The following ATF6 variants were observed in gnomAD, a reference collection of about 807,000 sequenced individuals.
The protein encoded by ATF6 is activating transcription factor 6, also known as cyclic AMP-dependent transcription factor ATF-6 alpha.
A neutral mutation model predicts 83.6 loss-of-function variants in ATF6; 53 were observed. The ratio of observed to expected loss-of-function variants is 0.63; its 90% CI spans 0.51 to 0.80. ATF6 has a LOEUF of 0.80. Among genes scored for constraint, ATF6 ranks in the 30% least tolerant of loss-of-function variants. The probability of loss-of-function intolerance (pLI) is 0.00; values close to 1 mark genes in which losing one functional copy is unlikely to be tolerated. For synonymous variants in ATF6, 288 were observed against 285.8 expected (o/e 1.01, Z -0.08); for missense variants, 744 against 797.9 (o/e 0.93, Z 0.81).
At chr1:161,899,654 T>G (rs1687742389) in intron 14 of ATF6, among the ~76,000 whole-genome samples, 1 of 152,190 alleles carries the variant, frequency 6.6e-6, no homozygotes, top group Non-Finnish European at 1.5e-5. Flanking sequence ...TCATACATTT[T>G]AAACAGTTTA....
chr1:161,941,509 G>A (rs1688641130), intron 15 of ATF6, among the ~76,000 whole-genome samples: 1 of 152,142 alleles, frequency 6.6e-6, no homozygotes, highest in African/African-American at 2.4e-5. Context: ...AGAAAGGTAG[G>A]TTCTCTTTAA....
intron 14 of ATF6, among the ~76,000 whole-genome samples, chr1:161,878,516 T>C (rs561436680): frequency 2.0e-4 from 31 of 152,104 alleles, no homozygotes; most frequent in African/African-American, 7.2e-4. Context: ...AGATTTTGAA[T>C]TGGAGAAGGA....
chr1:161,803,096 A>G (rs181942075), intron 7 of ATF6, among the ~76,000 whole-genome samples: 2 of 152,322 alleles, frequency 1.3e-5, no homozygotes, highest in African/African-American at 4.8e-5. Context: ...TAATATTACT[A>G]CTTCATCCTT....
intron 15 of ATF6, among the ~76,000 whole-genome samples, chr1:161,934,878 C>T (rs1688507188): frequency 6.6e-6 from 1 of 152,102 alleles, no homozygotes; most frequent in African/African-American, 2.4e-5. Flanking sequence ...GGGTATCATC[C>T]ATTGTGATAA....
At chr1:161,842,771 A>G (rs1322749532) in intron 9 of ATF6, among the ~76,000 whole-genome samples, 1 of 152,220 alleles carries the variant, frequency 6.6e-6, no homozygotes, top group Non-Finnish European at 1.5e-5. Flanking sequence ...TTAAAAAAAG[A>G]TAATTATTAA....
At chr1:161,810,534 C>T (rs985394796) in intron 7 of ATF6, among the ~76,000 whole-genome samples, 1 of 152,050 alleles carries the variant, frequency 6.6e-6, no homozygotes, top group Non-Finnish European at 1.5e-5. Context: ...TACCCCACCT[C>T]ACCTCATCCC....
At chr1:161,812,642 T>C (rs568896681) in intron 7 of ATF6, among the ~76,000 whole-genome samples, 2 of 152,212 alleles carry the variant, frequency 1.3e-5, no homozygotes, top group African/African-American at 4.8e-5. Flanking sequence ...TCCACCCGCC[T>C]CGGCCTCCCA....
chr1:161,810,995 TAATC>T (rs1179976438), intron 7 of ATF6, among the ~76,000 whole-genome samples: 1 of 152,228 alleles, frequency 6.6e-6, no homozygotes, highest in African/African-American at 2.4e-5. Context: ...ACATTTTTGA[TAATC>T]CATTCATCAG....
At chr1:161,822,650 A>G (rs1685795067) in intron 9 of ATF6, among the ~76,000 whole-genome samples, 1 of 152,222 alleles carries the variant, frequency 6.6e-6, no homozygotes. Context: ...TAGGTGACAT[A>G]TACTAATCAA....
At chr1:161,947,352 G>A (rs1202082632) in intron 15 of ATF6, among the ~76,000 whole-genome samples, 1 of 152,222 alleles carries the variant, frequency 6.6e-6, no homozygotes, top group Non-Finnish European at 1.5e-5. Context: ...AGGCAGGCCA[G>A]GGTGATTAGA....
chr1:161,921,242 G>C (rs1688207526), intron 15 of ATF6, among the ~76,000 whole-genome samples: 1 of 152,154 alleles, frequency 6.6e-6, no homozygotes, highest in South Asian at 2.1e-4. Context: ...GTTGAAAAGA[G>C]AAATAAATAT....
chr1:161,845,068 A>G (rs976790666), intron 9 of ATF6, among the ~76,000 whole-genome samples: 1 of 152,242 alleles, frequency 6.6e-6, no homozygotes, highest in Non-Finnish European at 1.5e-5. Context: ...GTGCTAAAGC[A>G]TACCATGTGA....
At chr1:161,907,115 A>G (rs112758136) in intron 14 of ATF6, among the ~76,000 whole-genome samples, 1 of 152,204 alleles carries the variant, frequency 6.6e-6, no homozygotes, top group Non-Finnish European at 1.5e-5. Context: ...AGGAATTACT[A>G]TAACTACTAG....
intron 14 of ATF6, among the ~76,000 whole-genome samples, chr1:161,877,611 G>C (rs1248335572): frequency 6.6e-6 from 1 of 152,112 alleles, no homozygotes; most frequent in Non-Finnish European, 1.5e-5. Flanking sequence ...ATAGTAAGTA[G>C]TTTGGGTTTT....
intron 15 of ATF6, among the ~76,000 whole-genome samples, chr1:161,937,430 TC>T (rs1426532716): frequency 6.6e-6 from 1 of 151,504 alleles, no homozygotes; most frequent in East Asian, 1.9e-4. Flanking sequence ...AAATAATTCA[TC>T]TCTGTTGGAA....
At chr1:161,803,770 G>A (rs1427238691) in intron 7 of ATF6, among the ~76,000 whole-genome samples, 16 of 152,108 alleles carry the variant, frequency 1.1e-4, no homozygotes, top group Admixed American at 1.0e-3. Flanking sequence ...AAAAGAGTAT[G>A]ATTTTCATGG....
chr1:161,916,579 T>C (rs375873955), intron 15 of ATF6, among the ~76,000 whole-genome samples: 2 of 152,310 alleles, frequency 1.3e-5, no homozygotes, highest in East Asian at 3.9e-4. Context: ...TATATTCAAA[T>C]CTCTCCATTT....
At chr1:161,774,450 TATAC>T (rs1684471197) in intron 1 of ATF6, among the ~76,000 whole-genome samples, 3 of 152,038 alleles carry the variant, frequency 2.0e-5, no homozygotes, top group Admixed American at 6.5e-5. Flanking sequence ...CACACATATA[TATAC>T]ATACATTTTA....
intron 2 of ATF6, 96 bp downstream of exon 2, chr1:161,778,416 A>C (rs1684569275): frequency 1.1e-6 from 1 of 888,248 alleles, no homozygotes; most frequent in East Asian, 2.6e-5. Flanking sequence ...CTAGTAATTT[A>C]AGTTACATAC....
Sources: allele counts gnomAD v4.1 joint callset (sites outside exome capture counted in the v4.1 genomes callset), GRCh38; gene constraint gnomAD v4.1.1; transcripts MANE v1.5; gene names NCBI Gene and HGNC (gene_info 2026-07-23, HGNC 2026-07-21).